MCF2L: variants seen among roughly 807,000 people sequenced by gnomAD.
MCF2L encodes the protein guanine nucleotide exchange factor DBS.
A neutral mutation model predicts 153.4 loss-of-function variants in MCF2L; 97 were observed. The ratio of observed to expected loss-of-function variants is 0.63; its 90% CI spans 0.54 to 0.75. The LOEUF is 0.75. MCF2L is among the 30% of genes least tolerant of loss of function. MCF2L has a pLI of 0.00. For synonymous variants in MCF2L, 659 were observed against 632.2 expected (o/e 1.04, Z -0.64); for missense variants, 1,347 against 1,495.2 (o/e 0.90, Z 1.64).
chr13:112,975,395 C>T (rs774308138), intron 1 of MCF2L, among the ~76,000 whole-genome samples: 2 of 152,200 alleles, frequency 1.3e-5, no homozygotes, highest in Non-Finnish European at 2.9e-5. Context: ...GAGGTCAAAC[C>T]CCAGCTCTGC....
Position 112,987,851 on chromosome 13 carries a change from A to G in MCF2L, c.79+18393A>G, listed in dbSNP as rs564093089. On this transcript the variant is annotated intron_variant, in intron 1 of 29. Transcript: ENST00000535094. The stretch of plus-strand genomic sequence containing the variant: ...GTGATGGGATTGTCCCCCTCGTCAC[A>G]GCGGACCTGTGAGAAATGACCAGAA... Among the ~76,000 whole-genome samples, 3 of 152,352 alleles carry G rather than the reference A, an allele frequency of 2.0e-5. No individual in the cohort carries two copies. In the South Asian group the frequency reaches 6.2e-4, roughly 32 times the overall value.
At position 113,076,087 on chromosome 13, in the gene MCF2L, C is replaced by T. The variant is rs760812522; in HGVS notation, c.1430C>T (p.Ala477Val). The stretch of plus-strand genomic sequence containing the variant: ...ATCGAGAAGTTTTTGGAGACCGGTG[C>T]GGAAAATAAGATCCAGGAGCTCAAC... ...QEIEKFLETG[A>V]ENKIQELNAI... is the part of the protein sequence containing the mutation. The change falls in exon 12 of 30, where the codon GCG (alanine) becomes GTG (valine). Residue 477 changes from alanine (A) to valine (V), a missense_variant. Transcript: ENST00000535094. The T allele has an allele frequency of 3.7e-6, 6 of 1,613,910 alleles. No individual in the cohort carries two copies. The highest frequency in any genetic ancestry group is 1.1e-5 in the South Asian group (1 of 91,078).
chr13:113,081,138 T>C (rs1281425896), intron 15 of MCF2L, 75 bp from the exon 16 acceptor site: 3 of 1,284,364 alleles, frequency 2.3e-6, no homozygotes, highest in East Asian at 5.2e-5. Flanking sequence ...AGGTGGCACC[T>C]GTGAGACTGT....
chr13:113,089,510 G>C, intron 25 of MCF2L, 100 bp from the exon 26 acceptor site: 2 of 776,798 alleles, frequency 2.6e-6, no homozygotes, highest in Non-Finnish European at 4.5e-6. Flanking sequence ...GGATCAGGCC[G>C]GGAGCTCAGA....
At position 112,983,419 on chromosome 13, in the gene MCF2L, TC is replaced by T. The variant is rs1402569463; in HGVS notation, c.79+13963del. Among the ~76,000 whole-genome samples, 2 of 152,162 alleles carry T rather than the reference TC, an allele frequency of 1.3e-5. No homozygotes were observed. Among genetic ancestry groups the T allele is most frequent in the Admixed American group, 6.5e-5 (1 of 15,280 alleles). ...TGCAGGATGAGCCTCCTCCCTTCTA[TC>T]CGGCAGGTGGCCTTCTCCAGGCATT... On this transcript the variant is annotated intron_variant, in intron 1 of 29. Transcript: ENST00000535094. This position sits in a 1 kb window ranked among gnomAD's most constrained non-coding sequence, Gnocchi z 4.0.
At chr13:112,976,406 G>A (rs569592356) in intron 1 of MCF2L, among the ~76,000 whole-genome samples, 4 of 152,246 alleles carry the variant, frequency 2.6e-5, no homozygotes, top group East Asian at 1.9e-4. Flanking sequence ...ACAAGACTTC[G>A]TTTCTGTAAG....
chr13:113,094,520 G>A lies in MCF2L; in HGVS notation c.2960G>A (p.Ser987Asn), dbSNP rs767942691. 23 of 1,611,150 alleles carry A rather than the reference G, an allele frequency of 1.4e-5. No homozygotes were observed. Among genetic ancestry groups the A allele is most frequent in the Non-Finnish European group, 2.0e-5 (23 of 1,179,106 alleles). ...TKPPEKGKGW[S>N]KTSHSLEAPE... Reference sequence around the variant, plus strand: ...GGGTGTCTGTCTCTCTTAGGTTGGAGCAAAACGTCCCACTCACTGGAGGCA... The same window carrying A: ...GGGTGTCTGTCTCTCTTAGGTTGGAACAAAACGTCCCACTCACTGGAGGCA... The change falls in exon 27 of 30, where the codon AGC (serine) becomes AAC (asparagine). Residue 987 changes from serine to asparagine, a missense_variant. Ser to Asn is a conservative substitution (Grantham distance 46, BLOSUM62 1). Coordinates refer to ENST00000535094, the MANE Select transcript of MCF2L (RefSeq NM_001112732.3).
chr13:113,052,522 A>G (rs954966037), intron 4 of MCF2L: 2 of 166,870 alleles, frequency 1.2e-5, no homozygotes, highest in African/African-American at 4.8e-5. Flanking sequence ...AGCTCGTTGC[A>G]CGGAGTCAGA....
chr13:112,928,221 G>A (rs544224468), intron 2 of MCF2L, among the ~76,000 whole-genome samples: 105 of 152,322 alleles, frequency 6.9e-4, no homozygotes, highest in African/African-American at 2.2e-3. Flanking sequence ...AAACGCGGCC[G>A]GCCGTGCACC....
intron 1 of MCF2L, among the ~76,000 whole-genome samples, chr13:112,899,012 G>C (rs1226974265): frequency 2.6e-5 from 4 of 152,224 alleles, no homozygotes; most frequent in African/African-American, 9.6e-5. Context: ...CCCGCTTGGT[G>C]GTGGCTGCTG....
At chr13:113,029,145 A>C (rs1351768116) in intron 3 of MCF2L, among the ~76,000 whole-genome samples, 1 of 152,050 alleles carries the variant, frequency 6.6e-6, no homozygotes, top group Admixed American at 6.6e-5. Context: ...ATTTGGGAGG[A>C]CGCCCATGTG....
At chr13:113,079,280 CT>C (rs1407923853) in intron 15 of MCF2L, among the ~76,000 whole-genome samples, 1 of 152,154 alleles carries the variant, frequency 6.6e-6, no homozygotes, top group Non-Finnish European at 1.5e-5. Flanking sequence ...AAAGAAAGAC[CT>C]CACTGGTGCA....
At chr13:113,091,227 T>C in intron 26 of MCF2L, 1 of 1,303,754 alleles carries the variant, frequency 7.7e-7, no homozygotes, top group Non-Finnish European at 1.0e-6. Flanking sequence ...CGGCACCCAC[T>C]CTGCGTTGGC....
intron 3 of MCF2L, among the ~76,000 whole-genome samples, chr13:113,029,956 C>G (rs1037848679): frequency 6.6e-6 from 1 of 152,236 alleles, no homozygotes; most frequent in African/African-American, 2.4e-5. Context: ...CTAAACCAAG[C>G]ATCACTTTTA....
intron 3 of MCF2L, among the ~76,000 whole-genome samples, chr13:113,026,131 C>T (rs796250857): frequency 4.1e-4 from 12 of 29,360 alleles, no homozygotes; most frequent in Non-Finnish European, 5.3e-4. Context: ...GTGGGGTCCC[C>T]GTGACTGTGG....
chr13:113,081,102 C>T (rs2034091975), intron 15 of MCF2L, 111 bp from the exon 16 acceptor site: 1 of 923,840 alleles, frequency 1.1e-6, no homozygotes, highest in South Asian at 1.8e-5. Flanking sequence ...CCGCCAGTCC[C>T]CTCCTGCTGG....
rs1271685714 is a variant in MCF2L, at chr13:113,046,220, C to T, written c.369+859C>T. On this transcript the variant is annotated intron_variant, in intron 4 of 29. Coordinates refer to ENST00000535094, the MANE Select transcript of MCF2L (RefSeq NM_001112732.3). This position sits in a 1 kb window ranked among gnomAD's most constrained non-coding sequence, Gnocchi z 4.4. The stretch of plus-strand genomic sequence containing the variant: ...ATTTTTCACCCACGCTCGCTCTCCC[C>T]GCCTGTCCGTCCAAATTTCATTGCT... 3.6e-5 allele frequency: 8 copies of T among 224,924 alleles called. No homozygotes were observed. The highest frequency in any genetic ancestry group is 6.3e-5 in the South Asian group (1 of 15,814). 13.9% of individuals were successfully genotyped at this position (224,924 alleles called of 1,614,324 possible).
chr13:113,065,058 G>A lies in MCF2L; in HGVS notation c.729G>A (p.Ala243=), dbSNP rs369640269. ...DVQSTSSVLC[A]HTEKKDKAKE... is the part of the protein sequence containing the mutation. Reference sequence around the variant, plus strand: ...AGTCGACAAGCTCAGTGCTGTGTGCGCACACAGAGAAGAAGGACAAGGCGA... The same window carrying A: ...AGTCGACAAGCTCAGTGCTGTGTGCACACACAGAGAAGAAGGACAAGGCGA... Residue 243 remains alanine, a synonymous_variant, in exon 7 of 30, where the codon GCG becomes GCA. Transcript: ENST00000535094. 4.9e-5 allele frequency: 79 copies of A among 1,610,926 alleles called. 2 individuals carry two copies. The South Asian group carries it at 6.8e-4, about 14-fold the overall frequency.
At position 112,960,400 on chromosome 13, in the gene MCF2L, G is replaced by T. The variant is rs2081810639; in HGVS notation, c.170-54363G>T. The stretch of plus-strand genomic sequence containing the variant: ...CATGTCCCAGCACGGCGGCATTGGG[G>T]GTGAGGTTTCCCACACACGACCTTT... On this transcript the variant is annotated intron_variant, in intron 2 of 29. Transcript: ENST00000375608. This position sits in a 1 kb window ranked among gnomAD's most constrained non-coding sequence, Gnocchi z 4.2. 6.6e-6 allele frequency among the ~76,000 whole-genome samples: 1 copy of T among 152,192 alleles called. No individual in the cohort carries two copies. Among genetic ancestry groups the T allele is most frequent in the African/African-American group, 2.4e-5 (1 of 41,440 alleles).
Sources: allele counts gnomAD v4.1 joint callset (sites outside exome capture counted in the v4.1 genomes callset), GRCh38; gene constraint gnomAD v4.1.1; non-coding constraint Gnocchi (gnomAD v3.1); transcripts MANE v1.5; gene names NCBI Gene and HGNC (gene_info 2026-07-23, HGNC 2026-07-21).